ZBTB16: variants seen among roughly 807,000 people sequenced by gnomAD.
ZBTB16 encodes the protein zinc finger and BTB domain containing 16.
Under a neutral mutation model 56.8 loss-of-function variants are expected in ZBTB16, and 8 were observed. That is an observed-to-expected ratio of 0.14 (90% confidence interval 0.08 to 0.25). The LOEUF is 0.25. Among genes scored for constraint, ZBTB16 ranks in the 10% least tolerant of loss-of-function variants. The probability of loss-of-function intolerance (pLI) is 1.00; values close to 1 mark genes in which losing one functional copy is unlikely to be tolerated. For synonymous variants in ZBTB16, 363 were observed against 368.5 expected (o/e 0.98, Z 0.17); for missense variants, 625 against 903.0 (o/e 0.69, Z 3.95).
At chr11:114,175,812 A>T (rs1452798655) in intron 3 of ZBTB16, among the ~76,000 whole-genome samples, 1 of 152,118 alleles carries the variant, frequency 6.6e-6, no homozygotes, top group East Asian at 1.9e-4. Context: ...GAGGTATGTC[A>T]TTTGGCAGGA....
In ZBTB16 at chr11:114,163,202, C is replaced by G. The variant is rs188554582; in HGVS notation, c.1366+6768C>G. Among the ~76,000 whole-genome samples the G allele has an allele frequency of 6.2e-3, 909 of 146,118 alleles. 5 individuals are homozygous for G. The highest frequency in any genetic ancestry group is 0.01 in the Middle Eastern group (3 of 286). On this transcript the variant is annotated intron_variant, in intron 3 of 6. Coordinates refer to ENST00000335953, the MANE Select transcript of ZBTB16 (RefSeq NM_006006.6). ...CCCCCAACCCGTCCTCAGTCCCCCC[C>G]CAACCCCACCCCCACCCCTTCTCGC...
At chr11:114,090,904 C>T (rs1370897326) in intron 2 of ZBTB16, among the ~76,000 whole-genome samples, 1 of 152,168 alleles carries the variant, frequency 6.6e-6, no homozygotes, top group African/African-American at 2.4e-5. Context: ...TTGGTTTCCA[C>T]TTATTTATTT....
rs1251350132 is a variant in ZBTB16 at position 114,255,002 on chromosome 11, C to T, written c.*4447C>T. On this transcript the variant is annotated 3_prime_UTR_variant, in exon 7 of 7. Coordinates refer to ENST00000335953, the MANE Select transcript of ZBTB16 (RefSeq NM_006006.6). ...ACTTCGCAGACAGGGTACCAGCCTC[C>T]TGGTGTGTATCATAGGATTTGTTCA... Among the ~76,000 whole-genome samples the T allele has an allele frequency of 6.6e-6, 1 of 152,186 alleles. No individual in the cohort carries two copies. The highest frequency in any genetic ancestry group is 1.5e-5 in the Non-Finnish European group (1 of 68,032).
chr11:114,065,966 T>C (rs1939100813), intron 2 of ZBTB16, among the ~76,000 whole-genome samples: 1 of 152,196 alleles, frequency 6.6e-6, no homozygotes, highest in Non-Finnish European at 1.5e-5. Flanking sequence ...TTTTTTTCCT[T>C]GCTTCTGTCA....
intron 2 of ZBTB16, among the ~76,000 whole-genome samples, chr11:114,081,894 A>C (rs532273219): frequency 6.6e-6 from 1 of 152,128 alleles, no homozygotes; most frequent in Non-Finnish European, 1.5e-5. Flanking sequence ...AGAAGGCAGC[A>C]TGAAGAATGG....
chr11:114,245,428 A>G (rs980493375), intron 5 of ZBTB16, among the ~76,000 whole-genome samples: 1 of 152,044 alleles, frequency 6.6e-6, no homozygotes, highest in Non-Finnish European at 1.5e-5. Flanking sequence ...CTTCTTGCAA[A>G]TCTTCCACCC....
chr11:114,084,034 G>C (rs2137705366), intron 2 of ZBTB16, among the ~76,000 whole-genome samples: 1 of 152,248 alleles, frequency 6.6e-6, no homozygotes, highest in Non-Finnish European at 1.5e-5. Flanking sequence ...GAAGAACCAG[G>C]CTCTCACCTC....
At chr11:114,076,037 T>C (rs903430330) in intron 2 of ZBTB16, among the ~76,000 whole-genome samples, 15 of 152,146 alleles carry the variant, frequency 9.9e-5, no homozygotes, top group African/African-American at 3.6e-4. Context: ...ATGGATGCGT[T>C]ACTTTTGCTG....
chr11:114,140,646 A>G (rs535576656), intron 2 of ZBTB16, among the ~76,000 whole-genome samples: 1 of 152,324 alleles, frequency 6.6e-6, no homozygotes, highest in African/African-American at 2.4e-5. Context: ...GGTAACGAAC[A>G]GAAGCAACAG....
chr11:114,201,118 G>A (rs373819406), intron 4 of ZBTB16, among the ~76,000 whole-genome samples: 4 of 152,266 alleles, frequency 2.6e-5, no homozygotes, highest in Admixed American at 2.0e-4. Context: ...ATCTCAATCC[G>A]ACTCACTTAG....
At chr11:114,114,716 G>A (rs7105827) in intron 2 of ZBTB16, among the ~76,000 whole-genome samples, 1,689 of 147,050 alleles carry the variant, frequency 0.011, 22 homozygotes, top group African/African-American at 0.04. Context: ...GTCTCGCTCT[G>A]TCACCCAGGC....
chr11:114,225,738 A>T (rs894819916), intron 4 of ZBTB16, among the ~76,000 whole-genome samples: 2 of 152,186 alleles, frequency 1.3e-5, no homozygotes, highest in Non-Finnish European at 2.9e-5. Flanking sequence ...CCATAGAAGT[A>T]CCTAAGTTAA....
At chr11:114,100,691 G>A (rs1940574994) in intron 2 of ZBTB16, among the ~76,000 whole-genome samples, 1 of 152,128 alleles carries the variant, frequency 6.6e-6, no homozygotes, top group Non-Finnish European at 1.5e-5. Flanking sequence ...AGGCACAGAT[G>A]GAAAAAGATG....
rs1375714976 is a variant in ZBTB16 at position 114,149,391 on chromosome 11, C to T, written c.1269-6946C>T. On this transcript the variant is annotated intron_variant, in intron 2 of 6. Coordinates refer to ENST00000335953, the MANE Select transcript of ZBTB16 (RefSeq NM_006006.6). ...TCTCTCCCTTTAAACGGTTCCAAAA[C>T]AACCAAATGGCCACTGTCTTCCCTA... is the stretch of plus-strand genomic sequence containing the variant. Among the ~76,000 whole-genome samples the T allele has an allele frequency of 2.6e-5, 4 of 152,122 alleles. No individual in the cohort carries two copies. The East Asian group carries it at 7.7e-4, about 29-fold the overall frequency.
intron 2 of ZBTB16, among the ~76,000 whole-genome samples, chr11:114,141,196 C>T (rs888771738): frequency 2.6e-5 from 4 of 152,204 alleles, no homozygotes; most frequent in East Asian, 3.9e-4. Flanking sequence ...CTCCATCACA[C>T]GGTGCTCCCC....
At chr11:114,211,259 G>A (rs1300892993) in intron 4 of ZBTB16, among the ~76,000 whole-genome samples, 2 of 152,110 alleles carry the variant, frequency 1.3e-5, no homozygotes, top group African/African-American at 4.8e-5. Context: ...TCTCCTTCCA[G>A]GCAGAAATCC....
chr11:114,192,552 G>A (rs1363071987), intron 4 of ZBTB16, among the ~76,000 whole-genome samples: 3 of 152,232 alleles, frequency 2.0e-5, no homozygotes, highest in Non-Finnish European at 4.4e-5. Flanking sequence ...CCTTTTCTGA[G>A]TGGAAAACAT....
intron 2 of ZBTB16, among the ~76,000 whole-genome samples, chr11:114,099,434 G>C (rs1940531427): frequency 6.6e-6 from 1 of 151,482 alleles, no homozygotes; most frequent in African/African-American, 2.4e-5. Context: ...GTATTATTTA[G>C]ATTTATCTCC....
intron 2 of ZBTB16, among the ~76,000 whole-genome samples, chr11:114,068,689 A>G (rs1939216608): frequency 6.6e-6 from 1 of 152,194 alleles, no homozygotes. Flanking sequence ...CACATTACAG[A>G]GGATAATGCC....
Sources: gnomAD v4.1 joint callset for allele counts (sites outside exome capture counted in the v4.1 genomes callset) on GRCh38, gnomAD v4.1.1 for gene constraint, MANE v1.5 for transcripts, NCBI Gene and HGNC (gene_info 2026-07-23, HGNC 2026-07-21) for gene names.